Variants in ZNF141 observed in about 807,000 individuals in gnomAD.
ZNF141 encodes zinc finger protein 141.
A neutral mutation model predicts 11.3 loss-of-function variants in ZNF141; 7 were observed. The observed-to-expected ratio is 0.62, with a 90% confidence interval of 0.35 to 1.16. The LOEUF is 1.16. ZNF141 is among the 50% of genes most tolerant of loss of function. The probability of loss-of-function intolerance (pLI) is 0.02; values close to 1 mark genes in which losing one functional copy is unlikely to be tolerated. For missense variants in ZNF141, 535 were observed against 554.0 expected (o/e 0.97, Z 0.34); for synonymous variants, 183 against 190.7 (o/e 0.96, Z 0.33).
intron 1 of ZNF141, among the ~76,000 whole-genome samples, chr4:340,422 A>G (rs1434815697): frequency 6.6e-6 from 1 of 152,218 alleles, no homozygotes; most frequent in Non-Finnish European, 1.5e-5. Context: ...TCAGTGTGCC[A>G]ATGATCTTCA....
chr4:358,581 T>C (rs182741230), intron 3 of ZNF141: 16 of 160,360 alleles, frequency 1.0e-4, no homozygotes, highest in Admixed American at 8.2e-4. Flanking sequence ...TTTGTTGTTT[T>C]TTTGTTTGAT....
At position 358,183 on chromosome 4, in the gene ZNF141, CTTTTTTTTTTT is replaced by C. The variant is rs575102486; in HGVS notation, c.226+13763_226+13773del. On this transcript the variant is annotated intron_variant, in intron 3 of 3. Coordinates refer to ENST00000240499, the MANE Select transcript of ZNF141 (RefSeq NM_003441.4). ...TTGGTTCTTTTTTAAGTTTCTCGTT[CTTTTTTTTTTT>C]TTTTTTTTTAAAGATGGAGTTTCGC... 37 of 301,866 alleles carry C rather than the reference CTTTTTTTTTTT, an allele frequency of 1.2e-4. No individual in the cohort carries two copies. In the Middle Eastern group the frequency reaches 3.7e-3, roughly 30 times the overall value. The allele number at this position is 301,866 out of a possible 1,614,324, so 18.7% of individuals were successfully genotyped here.
intron 3 of ZNF141, among the ~76,000 whole-genome samples, chr4:349,370 GGGTTTT>G (rs1721484665): frequency 6.6e-6 from 1 of 151,798 alleles, no homozygotes; most frequent in Non-Finnish European, 1.5e-5. Context: ...TTTTACTCTA[GGGTTTT>G]ATGTATATGC....
In ZNF141 at chr4:384,056, G is replaced by A. The variant is rs1712796848; in HGVS notation, c.*10194G>A. ...AAGGACCTGGACAGTTCACACTCAC[G>A]GCCTTCCTTCTGGTAACAGAAGTGC... On this transcript the variant is annotated 3_prime_UTR_variant, in exon 4 of 4. Coordinates refer to ENST00000240499, the MANE Select transcript of ZNF141 (RefSeq NM_003441.4). 6.6e-6 allele frequency: 1 copy of A among 152,248 alleles called. No homozygotes were observed. The highest frequency in any genetic ancestry group is 6.5e-5 in the Admixed American group (1 of 15,286). The allele number at this position is 152,248 out of a possible 1,614,324, so 9.4% of individuals were successfully genotyped here.
chr4:374,895 C>G lies in ZNF141; in HGVS notation c.*1033C>G, dbSNP rs782740944. ...GACAAAGCTTGCAACCACACTCAAT[C>G]TATTCTAAATATAAGAGAAATGATA... On this transcript the variant is annotated 3_prime_UTR_variant, in exon 4 of 4. Transcript: ENST00000240499. The G allele has an allele frequency of 6.6e-6, 1 of 152,216 alleles. No homozygotes were observed. Among genetic ancestry groups the G allele is most frequent in the Non-Finnish European group, 1.5e-5 (1 of 68,078 alleles). 9.4% of individuals were successfully genotyped at this position (152,216 alleles called of 1,614,324 possible). A position where few individuals can be genotyped will look rare whatever the true frequency, so the allele number is the denominator to read the frequency against.
intron 3 of ZNF141, among the ~76,000 whole-genome samples, chr4:361,426 A>T (rs1202429557): frequency 6.6e-6 from 1 of 150,680 alleles, no homozygotes; most frequent in Non-Finnish European, 1.5e-5. Flanking sequence ...CATGTGCATA[A>T]CGTGCAGGTT....
chr4:381,785 A>G lies in ZNF141; in HGVS notation c.*7923A>G, dbSNP rs1434764399. On this transcript the variant is annotated 3_prime_UTR_variant, in exon 4 of 4. Coordinates refer to ENST00000240499, the MANE Select transcript of ZNF141 (RefSeq NM_003441.4). ...ACTTTTTACAACAGAGAATACCCCT[A>G]TTAAATATGGGTCACAGATTTTTAC... 6.6e-6 allele frequency among the ~76,000 whole-genome samples: 1 copy of G among 151,888 alleles called. No homozygotes were observed. Among genetic ancestry groups the G allele is most frequent in the Non-Finnish European group, 1.5e-5 (1 of 67,990 alleles).
rs1444976605 is a variant in ZNF141, at chr4:377,030, A to G, written c.*3168A>G. On this transcript the variant is annotated 3_prime_UTR_variant, in exon 4 of 4. Coordinates refer to ENST00000240499, the MANE Select transcript of ZNF141 (RefSeq NM_003441.4). Reference sequence around the variant, plus strand: ...GATTTTTATAAAATGTAGTGAATGTAAAATTTTTAGATGTAATTTCATAAT... The same window carrying G: ...GATTTTTATAAAATGTAGTGAATGTGAAATTTTTAGATGTAATTTCATAAT... Among the ~76,000 whole-genome samples the G allele has an allele frequency of 6.6e-6, 1 of 152,200 alleles. No individual in the cohort carries two copies. The highest frequency in any genetic ancestry group is 1.5e-5 in the Non-Finnish European group (1 of 68,012).
intron 3 of ZNF141, among the ~76,000 whole-genome samples, chr4:346,391 A>G (rs2108687045): frequency 6.6e-6 from 1 of 152,336 alleles, no homozygotes; most frequent in South Asian, 2.1e-4. Context: ...ATATGCATCT[A>G]CATTGTGAAA....
rs1189839022 is a variant in ZNF141 at position 381,527 on chromosome 4, G to GC, written c.*7670dup. On this transcript the variant is annotated 3_prime_UTR_variant, in exon 4 of 4. Transcript: ENST00000240499. Reference sequence around the variant, plus strand: ...GGGTTCACACAATTTGCCTGCCTCAGCCCCCTGAGTAGCTGGGACTAACAG... The same window carrying GC: ...GGGTTCACACAATTTGCCTGCCTCAGCCCCCCTGAGTAGCTGGGACTAACAG... Among the ~76,000 whole-genome samples the GC allele has an allele frequency of 6.9e-6, 1 of 145,654 alleles. No individual in the cohort carries two copies. Among genetic ancestry groups the GC allele is most frequent in the Non-Finnish European group, 1.5e-5 (1 of 67,242 alleles).
At chr4:346,052 T>C (rs1412023949) in intron 3 of ZNF141, among the ~76,000 whole-genome samples, 1 of 152,250 alleles carries the variant, frequency 6.6e-6, no homozygotes, top group African/African-American at 2.4e-5. Flanking sequence ...TATAAAAATG[T>C]GTGTCTCACA....
In ZNF141 at chr4:374,396, C is replaced by G. The variant is rs1195226324; in HGVS notation, c.*534C>G. Reference sequence around the variant, plus strand: ...TCACATGCGAAGAATGTGGCACAGTCTTTACCACATCCTCAAACTTTGTTA... The same window carrying G: ...TCACATGCGAAGAATGTGGCACAGTGTTTACCACATCCTCAAACTTTGTTA... On this transcript the variant is annotated 3_prime_UTR_variant, in exon 4 of 4. Coordinates refer to ENST00000240499, the MANE Select transcript of ZNF141 (RefSeq NM_003441.4). The G allele has an allele frequency of 2.8e-6, 1 of 357,252 alleles. No individual in the cohort carries two copies. The highest frequency in any genetic ancestry group is 5.7e-6 in the Non-Finnish European group (1 of 176,624). 22.1% of individuals were successfully genotyped at this position (357,252 alleles called of 1,614,324 possible). A position where few individuals can be genotyped will look rare whatever the true frequency, so the allele number is the denominator to read the frequency against.
chr4:369,764 A>ATATATATATTTTT, intron 3 of ZNF141, among the ~76,000 whole-genome samples: 1 of 48,740 alleles, frequency 2.1e-5, no homozygotes, highest in African/African-American at 1.7e-4. Flanking sequence ...ATATATATAT[A>ATATATATATTTTT]TTTTTTTTTT....
rs1381072166 is a variant in ZNF141 at position 379,365 on chromosome 4, A to G, written c.*5503A>G. Among the ~76,000 whole-genome samples, 2 of 151,934 alleles carry G rather than the reference A, an allele frequency of 1.3e-5. No individual in the cohort carries two copies. The highest frequency in any genetic ancestry group is 2.4e-5 in the African/African-American group (1 of 41,378). ...CATGCTAGTAAATATTAGAGTTCCT[A>G]TGATTATTTTCTTCTTTATTTTATT... On this transcript the variant is annotated 3_prime_UTR_variant, in exon 4 of 4. Transcript: ENST00000240499.
At chr4:363,118 G>A (rs1465791863) in intron 3 of ZNF141, among the ~76,000 whole-genome samples, 1 of 152,148 alleles carries the variant, frequency 6.6e-6, no homozygotes, top group East Asian at 1.9e-4. Context: ...GGATTCCTAT[G>A]TATTTTATTG....
chr4:377,655 G>C lies in ZNF141; in HGVS notation c.*3793G>C, dbSNP rs1553854861. On this transcript the variant is annotated 3_prime_UTR_variant, in exon 4 of 4. Transcript: ENST00000240499. ...GCAACATTTAGATCACTTGAGATAA[G>C]AGTAATTCACTATCAACAGGTAAGA... Among the ~76,000 whole-genome samples, 3 of 152,140 alleles carry C rather than the reference G, an allele frequency of 2.0e-5. No individual in the cohort carries two copies. Among genetic ancestry groups the C allele is most frequent in the South Asian group, 4.1e-4 (2 of 4,834 alleles).
chr4:348,728 CAAA>C (rs200772158), intron 3 of ZNF141, among the ~76,000 whole-genome samples: 3 of 85,852 alleles, frequency 3.5e-5, no homozygotes, highest in Admixed American at 1.3e-4. Context: ...GACTCCATCT[CAAA>C]AAAAAAAAAA....
At chr4:343,263 A>G (rs1216837626) in intron 1 of ZNF141, among the ~76,000 whole-genome samples, 1 of 152,044 alleles carries the variant, frequency 6.6e-6, no homozygotes, top group Admixed American at 6.6e-5. Context: ...GTAGCCCATT[A>G]TTTTTATTGC....
At chr4:347,527 G>A (rs1287266729) in intron 3 of ZNF141, among the ~76,000 whole-genome samples, 1 of 151,368 alleles carries the variant, frequency 6.6e-6, no homozygotes, top group Non-Finnish European at 1.5e-5. Context: ...TTTTAGTAGA[G>A]ACAGGGTTTC....
Sources: gnomAD v4.1 joint callset for allele counts (sites outside exome capture counted in the v4.1 genomes callset) on GRCh38, gnomAD v4.1.1 for gene constraint, MANE v1.5 for transcripts, NCBI Gene and HGNC (gene_info 2026-07-23, HGNC 2026-07-21) for gene names.